The following NCKAP5 variants were observed in gnomAD, a reference collection of about 807,000 sequenced individuals.
NCKAP5 encodes the protein NCK associated protein 5, also known as nck-associated protein 5.
A neutral mutation model predicts 167.0 loss-of-function variants in NCKAP5; 92 were observed. The ratio of observed to expected loss-of-function variants is 0.55; its 90% CI spans 0.47 to 0.66. The LOEUF (loss-of-function observed/expected upper bound fraction) is 0.66, where lower values mean the gene tolerates loss of function less well. NCKAP5 is among the 30% of genes least tolerant of loss of function. The pLI is 0.00. For missense variants in NCKAP5, 2,378 were observed against 2,315.0 expected (o/e 1.03, Z -0.56); for synonymous variants, 891 against 877.4 (o/e 1.02, Z -0.27).
intron 3 of NCKAP5, among the ~76,000 whole-genome samples, chr2:133,344,512 ACTGCAGCAAAGGTACTCT>A (rs1016032473): frequency 6.6e-6 from 1 of 152,130 alleles, no homozygotes; most frequent in African/African-American, 2.4e-5. Context: ...GAAGCACTGC[ACTGCAGCAAAGGTACTCT>A]CTGCAAAAGG....
chr2:133,009,795 C>T lies in NCKAP5; in HGVS notation c.342-15556G>A, dbSNP rs9646691. ...ATCAACAGAGGCTCTCTGGGCCGGG[C>T]GCAGTGGCTCAAGCCTGTAATCCTA... On this transcript the variant is annotated intron_variant, in intron 6 of 19. Coordinates refer to ENST00000409261, the MANE Select transcript of NCKAP5 (RefSeq NM_207363.3). Among the ~76,000 whole-genome samples, 1,327 of 151,730 alleles carry T rather than the reference C, an allele frequency of 8.7e-3. 4 individuals carry two copies. The highest frequency in any genetic ancestry group is 0.015 in the Non-Finnish European group (997 of 67,908).
chr2:132,793,835 C>A (rs764680678), intron 12 of NCKAP5, among the ~76,000 whole-genome samples: 1 of 152,186 alleles, frequency 6.6e-6, no homozygotes, highest in Non-Finnish European at 1.5e-5. Flanking sequence ...CCACTTCCCC[C>A]ACCTTGGAAA....
chr2:133,354,124 C>T (rs952732347), intron 3 of NCKAP5, among the ~76,000 whole-genome samples: 1 of 152,218 alleles, frequency 6.6e-6, no homozygotes, highest in African/African-American at 2.4e-5. Flanking sequence ...GGTGACAGAA[C>T]AGGAAAGCCA....
rs757594183 is a variant in NCKAP5 at position 132,785,563 on chromosome 2, T to A, written c.1248A>T (p.Glu416Asp). ...RKLQKRKVLL[E>D]PPSVITKWGY... is the part of the protein sequence containing the mutation. ...CCCATTTGGTTATCACTGATGGGGG[T>A]TCAAGTAACACTTTTCGCTTCTGTA... The change falls in exon 14 of 20, where the codon GAA (glutamate) becomes GAT (aspartate). Residue 416 changes from glutamate to aspartate, a missense_variant. This residue lies in a region of NCKAP5 where 1,049 missense variants were observed against 1,023.4 expected (regional missense o/e 1.02). Transcript: ENST00000409261. The A allele has an allele frequency of 6.2e-7, 1 of 1,600,412 alleles. No homozygotes were observed.
intron 15 of NCKAP5, among the ~76,000 whole-genome samples, chr2:132,779,948 T>C (rs1682878531): frequency 6.6e-6 from 1 of 152,142 alleles, no homozygotes; most frequent in South Asian, 2.1e-4. Context: ...CAAAAAGATA[T>C]GGATATAGTA....
intron 11 of NCKAP5, among the ~76,000 whole-genome samples, chr2:132,821,415 C>G (rs1686722570): frequency 6.6e-6 from 1 of 152,162 alleles, no homozygotes; most frequent in African/African-American, 2.4e-5. Context: ...GAAGCCATCC[C>G]TGATTATACC....
At chr2:133,562,046 T>C (rs938957523) in intron 1 of NCKAP5, among the ~76,000 whole-genome samples, 5 of 151,482 alleles carry the variant, frequency 3.3e-5, no homozygotes, top group African/African-American at 1.2e-4. Flanking sequence ...CTCTGGGAGG[T>C]ACAAAAAGAT....
intron 6 of NCKAP5, among the ~76,000 whole-genome samples, chr2:132,998,855 G>T (rs2077690954): frequency 6.6e-6 from 1 of 152,074 alleles, no homozygotes; most frequent in South Asian, 2.1e-4. Context: ...AGAGTTTTGT[G>T]TGTTTTGTTT....
chr2:132,848,424 T>A (rs1688828450), intron 11 of NCKAP5, among the ~76,000 whole-genome samples: 1 of 152,216 alleles, frequency 6.6e-6, no homozygotes, highest in Admixed American at 6.5e-5. Flanking sequence ...GATCTTTACG[T>A]TAATTCAAGG....
In NCKAP5 at chr2:133,474,154, A is replaced by ATTTATC. The variant is rs369130877; in HGVS notation, c.69+43303_69+43304insGATAAA. Among the ~76,000 whole-genome samples, 835 of 135,376 alleles carry ATTTATC rather than the reference A, an allele frequency of 6.2e-3. 9 individuals carry two copies. The highest frequency in any genetic ancestry group is 0.029 in the African/African-American group (775 of 26,762). The allele number at this position is 135,376 out of a possible 152,430, so 88.8% of individuals were successfully genotyped here. On this transcript the variant is annotated intron_variant, in intron 3 of 19. Transcript: ENST00000409261. ...TATCTATCTATCTATCTATCTATCTATACACACACACACACACACACACGT... is the reference window on the plus strand; with the variant it reads ...TATCTATCTATCTATCTATCTATCTATTTATCTACACACACACACACACACACACGT...
the NCKAP5 span, among the ~76,000 whole-genome samples, chr2:133,599,298 T>G: frequency 6.6e-6 from 1 of 152,200 alleles, no homozygotes; most frequent in South Asian, 2.1e-4. Context: ...AGAATAATTG[T>G]GAGGTCCTTG....
chr2:133,528,464 A>C (rs1412078890), intron 2 of NCKAP5, among the ~76,000 whole-genome samples: 1 of 152,130 alleles, frequency 6.6e-6, no homozygotes, highest in African/African-American at 2.4e-5. Context: ...TCTCGTTAAA[A>C]TACAGATTCT....
At chr2:132,906,579 C>T (rs1457890977) in intron 8 of NCKAP5, among the ~76,000 whole-genome samples, 1 of 152,022 alleles carries the variant, frequency 6.6e-6, no homozygotes, top group African/African-American at 2.4e-5. Flanking sequence ...GGGGAGACCC[C>T]CAAGCAGATC....
In NCKAP5 at chr2:133,472,579, G is replaced by C. The variant is rs564578840; in HGVS notation, c.69+44879C>G. Among the ~76,000 whole-genome samples, 353 of 152,084 alleles carry C rather than the reference G, an allele frequency of 2.3e-3. 1 individual carries two copies. Among genetic ancestry groups the C allele is most frequent in the Non-Finnish European group, 4.0e-3 (269 of 68,000 alleles). ...CTTCCACACGTCTCTTCGGCCCTTA[G>C]TAAGCTCATCTACTATCAAGCAAGG... On this transcript the variant is annotated intron_variant, in intron 3 of 19. Transcript: ENST00000409261.
chr2:133,549,025 T>G (rs1486941634), intron 2 of NCKAP5, among the ~76,000 whole-genome samples: 6 of 151,434 alleles, frequency 4.0e-5, no homozygotes, highest in African/African-American at 1.2e-4. Context: ...AATAAAAGGA[T>G]GGAGGAAGAT....
intron 6 of NCKAP5, among the ~76,000 whole-genome samples, chr2:133,017,666 A>T (rs2078383950): frequency 1.3e-5 from 2 of 152,026 alleles, no homozygotes; most frequent in South Asian, 4.1e-4. Context: ...CTGTACATTC[A>T]TTCAATTGAC....
chr2:132,810,735 A>C (rs892931892), intron 11 of NCKAP5, among the ~76,000 whole-genome samples: 1 of 152,172 alleles, frequency 6.6e-6, no homozygotes, highest in Admixed American at 6.5e-5. Flanking sequence ...CTCCCTGATT[A>C]GCTTGGTAAC....
intron 11 of NCKAP5, among the ~76,000 whole-genome samples, chr2:132,797,920 G>C (rs1684732810): frequency 6.6e-6 from 1 of 152,122 alleles, no homozygotes; most frequent in African/African-American, 2.4e-5. Context: ...CATTTATACA[G>C]CACCTCCTGA....
Position 132,868,963 on chromosome 2 carries a change from T to G in NCKAP5, c.660A>C (p.Gln220His), listed in dbSNP as rs559905727. ...YERCLDEVANQVVQALLTQKD... is the reference protein window; with the variant it reads ...YERCLDEVANHVVQALLTQKD... Reference sequence around the variant, plus strand: ...TTTGAGTAAGCAGAGCTTGAACAACTTGGTTGGCTACCTTTAAAAAATAAA... The same window carrying G: ...TTTGAGTAAGCAGAGCTTGAACAACGTGGTTGGCTACCTTTAAAAAATAAA... The change falls in exon 10 of 20, where the codon CAA (glutamine) becomes CAC (histidine). Residue 220 changes from glutamine (Q) to histidine (H), a missense_variant. Physicochemically the swap from Gln to His is conservative, Grantham distance 24. Transcript: ENST00000409261. 6.5e-7 allele frequency: 1 copy of G among 1,547,498 alleles called. No homozygotes were observed. The highest frequency in any genetic ancestry group is 2.4e-5 in the East Asian group (1 of 41,274).
Sources: gnomAD v4.1 joint callset for allele counts (sites outside exome capture counted in the v4.1 genomes callset) on GRCh38, gnomAD v4.1.1 for gene constraint, gnomAD v4.1.1 regional missense constraint, MANE v1.5 for transcripts, NCBI Gene and HGNC (gene_info 2026-07-23, HGNC 2026-07-21) for gene names.